The following AUTS2 variants were observed in gnomAD, a reference collection of about 807,000 sequenced individuals.
AUTS2 encodes activator of transcription and developmental regulator AUTS2, also known as autism susceptibility gene 2 protein.
In AUTS2, 17 loss-of-function variants were observed where a neutral mutation model predicts 112.4. That is an observed-to-expected ratio of 0.15 (90% CI 0.10 to 0.23). The LOEUF (loss-of-function observed/expected upper bound fraction) is 0.23, where lower values mean the gene tolerates loss of function less well. AUTS2 is among the 10% of genes least tolerant of loss of function. The pLI is 1.00. For synonymous variants in AUTS2, 751 were observed against 702.7 expected (o/e 1.07, Z -1.09); for missense variants, 1,510 against 1,701.6 (o/e 0.89, Z 1.98).
intron 14 of AUTS2, among the ~76,000 whole-genome samples, chr7:70,778,557 C>A (rs1790854789): frequency 6.8e-6 from 1 of 146,870 alleles, no homozygotes; most frequent in Non-Finnish European, 1.5e-5. Context: ...GGCAACATAG[C>A]AAGATCTCAT....
chr7:70,415,327 A>G (rs1356373118), intron 4 of AUTS2, among the ~76,000 whole-genome samples: 1 of 152,188 alleles, frequency 6.6e-6, no homozygotes, highest in East Asian at 1.9e-4. Flanking sequence ...ACTGGAAAAT[A>G]TAGTCAGACT....
chr7:69,741,732 C>G (rs1412977632), intron 1 of AUTS2, among the ~76,000 whole-genome samples: 1 of 151,772 alleles, frequency 6.6e-6, no homozygotes, highest in East Asian at 1.9e-4. Context: ...CATAGCCTAA[C>G]CACCTTGGAT....
At chr7:70,689,562 G>A (rs1808642683) in intron 5 of AUTS2, among the ~76,000 whole-genome samples, 1 of 151,766 alleles carries the variant, frequency 6.6e-6, no homozygotes, top group Non-Finnish European at 1.5e-5. Context: ...AGATCACGAG[G>A]TCAGGAGATC....
In AUTS2 at chr7:70,739,003, C is replaced by CTTTT. The variant is rs57525224; in HGVS notation, c.743-23836_743-23833dup. Among the ~76,000 whole-genome samples, 524 of 57,252 alleles carry CTTTT rather than the reference C, an allele frequency of 9.2e-3. 96 individuals are homozygous for CTTTT. The highest frequency in any genetic ancestry group is 0.038 in the East Asian group (49 of 1,280). 37.6% of individuals were successfully genotyped at this position (57,252 alleles called of 152,430 possible). A position where few individuals can be genotyped will look rare whatever the true frequency, so the allele number is the denominator to read the frequency against. ...GGTGATGTCCACGAGGTTTTGAGGC[C>CTTTT]TTTTTTTTTTTTTTTTTTTTTTTTT... On this transcript the variant is annotated intron_variant, in intron 6 of 18. Coordinates refer to ENST00000342771, the MANE Select transcript of AUTS2 (RefSeq NM_015570.4).
intron 2 of AUTS2, among the ~76,000 whole-genome samples, chr7:70,061,095 CTTAA>C (rs1354680776): frequency 6.6e-6 from 1 of 152,142 alleles, no homozygotes; most frequent in Non-Finnish European, 1.5e-5. Flanking sequence ...GGCTCTAGCA[CTTAA>C]TTAGAGACAG....
At chr7:69,677,985 C>G (rs968022016) in intron 1 of AUTS2, among the ~76,000 whole-genome samples, 1 of 152,132 alleles carries the variant, frequency 6.6e-6, no homozygotes, top group Non-Finnish European at 1.5e-5. Context: ...CATTTTGAGA[C>G]CCTGAACAGT....
At chr7:70,542,800 G>A (rs1800606589) in intron 5 of AUTS2, among the ~76,000 whole-genome samples, 1 of 152,178 alleles carries the variant, frequency 6.6e-6, no homozygotes. Context: ...AATCCAGGTT[G>A]TCTGACTTCT....
intron 1 of AUTS2, among the ~76,000 whole-genome samples, chr7:69,779,580 G>A (rs1789054795): frequency 6.6e-6 from 1 of 151,868 alleles, no homozygotes; most frequent in Admixed American, 6.6e-5. Flanking sequence ...TGACCAATGT[G>A]GTGAAACCTT....
chr7:70,381,647 AC>A (rs1793372201), intron 4 of AUTS2, among the ~76,000 whole-genome samples: 1 of 152,212 alleles, frequency 6.6e-6, no homozygotes, highest in Non-Finnish European at 1.5e-5. Flanking sequence ...CCCTCCAGTT[AC>A]AAATATGGTA....
At chr7:70,354,999 GGT>G (rs1032090075) in intron 4 of AUTS2, among the ~76,000 whole-genome samples, 1 of 136,852 alleles carries the variant, frequency 7.3e-6, no homozygotes, top group South Asian at 2.4e-4. Flanking sequence ...TGTGTGTATG[GGT>G]GTGTGTGTAT....
intron 6 of AUTS2, among the ~76,000 whole-genome samples, chr7:70,739,003 C>CTTTTTTTTTTTTTTTTTTTTTTTTTT (rs57525224): frequency 1.7e-5 from 1 of 57,298 alleles, no homozygotes; most frequent in Non-Finnish European, 3.2e-5. Flanking sequence ...GTTTTGAGGC[C>CTTTTTTTTTTTTTTTTTTTTTTTTTT]TTTTTTTTTT....
intron 2 of AUTS2, among the ~76,000 whole-genome samples, chr7:69,916,957 A>C (rs1006726386): frequency 6.6e-6 from 1 of 152,168 alleles, no homozygotes; most frequent in Non-Finnish European, 1.5e-5. Context: ...GTTTTCATTG[A>C]CTTTACTTAT....
At position 70,789,936 on chromosome 7, in the gene AUTS2, A is replaced by G. The variant is rs936382256; in HGVS notation, c.2720A>G (p.Asp907Gly). 6.2e-7 allele frequency: 1 copy of G among 1,613,970 alleles called. No homozygotes were observed. Among genetic ancestry groups the G allele is most frequent in the Admixed American group, 1.7e-5 (1 of 60,022 alleles). The change falls in exon 19 of 19, where the codon GAC (aspartate) becomes GGC (glycine). Residue 907 changes from aspartate to glycine, a missense_variant. Coordinates refer to ENST00000342771, the MANE Select transcript of AUTS2 (RefSeq NM_015570.4). ...GAATCCCGCAAGGACCTGGCCGCCG[A>G]CGAGCACAAGGCGAAAGAGGGCCAC... ...HSESRKDLAA[D>G]EHKAKEGHLP...
At chr7:69,689,575 C>T (rs1406633028) in intron 1 of AUTS2, among the ~76,000 whole-genome samples, 5 of 150,164 alleles carry the variant, frequency 3.3e-5, no homozygotes, top group Admixed American at 1.3e-4. Flanking sequence ...CTCCTGACCT[C>T]GTGATCTGCC....
chr7:69,778,242 ATATATTTT>A (rs769711655), intron 1 of AUTS2, among the ~76,000 whole-genome samples: 5,295 of 82,284 alleles, frequency 0.064, 128 homozygotes, highest in Non-Finnish European at 0.093. Flanking sequence ...ATATATATAT[ATATATTTT>A]TTTTTTTTTT....
At chr7:70,668,664 C>T (rs1218172944) in intron 5 of AUTS2, among the ~76,000 whole-genome samples, 1 of 152,184 alleles carries the variant, frequency 6.6e-6, no homozygotes, top group Non-Finnish European at 1.5e-5. Context: ...TCAAATTCCC[C>T]AGCTGGGGCA....
chr7:70,288,092 G>C (rs1281851352), intron 4 of AUTS2, among the ~76,000 whole-genome samples: 12 of 152,072 alleles, frequency 7.9e-5, no homozygotes, highest in Admixed American at 7.9e-4. Context: ...GTGGTGTAAG[G>C]GCATAATTTT....
intron 4 of AUTS2, among the ~76,000 whole-genome samples, chr7:70,360,699 A>C (rs1469856582): frequency 2.0e-5 from 3 of 151,948 alleles, no homozygotes; most frequent in Non-Finnish European, 1.5e-5. Context: ...CTTCCCTGGC[A>C]CCCTTGCTAG....
intron 5 of AUTS2, among the ~76,000 whole-genome samples, chr7:70,563,396 A>T (rs537343030): frequency 3.2e-4 from 48 of 152,342 alleles, no homozygotes; most frequent in African/African-American, 1.1e-3. Context: ...ATCTGTCTTT[A>T]TTATTCCCAA....
Sources: allele counts gnomAD v4.1 joint callset (sites outside exome capture counted in the v4.1 genomes callset), GRCh38; gene constraint gnomAD v4.1.1; transcripts MANE v1.5; gene names NCBI Gene and HGNC (gene_info 2026-07-23, HGNC 2026-07-21).